The following STON1 variants were observed in gnomAD, a reference collection of about 807,000 sequenced individuals.
STON1 encodes the protein stonin 1.
A neutral mutation model predicts 60.9 loss-of-function variants in STON1; 79 were observed. The ratio of observed to expected loss-of-function variants is 1.30; its 90% confidence interval spans 1.08 to 1.56. The LOEUF (loss-of-function observed/expected upper bound fraction) is 1.56. Ranked by LOEUF, STON1 falls within the 40% of genes most tolerant of loss-of-function variation. The pLI, the probability that STON1 is intolerant of heterozygous loss-of-function variation, is 0.00. For synonymous variants in STON1, 363 were observed against 306.9 expected (o/e 1.18, Z -1.91); for missense variants, 1,166 against 858.9 (o/e 1.36, Z -4.47).
chr2:48,562,192 T>G (rs1672641152), intron 1 of STON1, among the ~76,000 whole-genome samples: 1 of 152,220 alleles, frequency 6.6e-6, no homozygotes, highest in Non-Finnish European at 1.5e-5. Flanking sequence ...TTTTTCCCAG[T>G]TAGTTTTGAC....
intron 1 of STON1, among the ~76,000 whole-genome samples, chr2:48,535,172 T>C (rs1671371811): frequency 6.6e-6 from 1 of 152,018 alleles, no homozygotes; most frequent in South Asian, 2.1e-4. Context: ...GAGGCTCAAA[T>C]GTACCTGTGT....
intron 1 of STON1, among the ~76,000 whole-genome samples, chr2:48,573,407 T>G (rs1673318214): frequency 6.6e-6 from 1 of 152,200 alleles, no homozygotes; most frequent in Non-Finnish European, 1.5e-5. Context: ...TTTGACAGCA[T>G]TTTCCACTGG....
At chr2:48,586,762 G>T (rs1044037352) in intron 2 of STON1, among the ~76,000 whole-genome samples, 1 of 152,180 alleles carries the variant, frequency 6.6e-6, no homozygotes, top group Non-Finnish European at 1.5e-5. Flanking sequence ...TTTCAGAAAG[G>T]CTGGCATGCA....
intron 1 of STON1, among the ~76,000 whole-genome samples, chr2:48,577,498 T>C (rs903691092): frequency 6.6e-6 from 1 of 151,442 alleles, no homozygotes; most frequent in Admixed American, 6.6e-5. Flanking sequence ...GGAGAATTGA[T>C]TGAACCAGGG....
At chr2:48,549,044 C>T (rs1247886667) in intron 1 of STON1, among the ~76,000 whole-genome samples, 3 of 152,108 alleles carry the variant, frequency 2.0e-5, no homozygotes, top group Non-Finnish European at 2.9e-5. Context: ...TTTCCCTCAC[C>T]GCCTCTGTCT....
chr2:48,551,878 C>A (rs1672121289), intron 1 of STON1, among the ~76,000 whole-genome samples: 1 of 152,244 alleles, frequency 6.6e-6, no homozygotes, highest in East Asian at 1.9e-4. Flanking sequence ...TGAGGAGACA[C>A]CCAGCCCACT....
At chr2:48,576,676 C>G (rs1673518614) in intron 1 of STON1, among the ~76,000 whole-genome samples, 1 of 151,998 alleles carries the variant, frequency 6.6e-6, no homozygotes, top group South Asian at 2.1e-4. Context: ...AAGTACTTTG[C>G]CAATTACTAA....
chr2:48,550,806 A>G lies in STON1; in HGVS notation c.-48+20590A>G, dbSNP rs1672071892. On this transcript the variant is annotated intron_variant, in intron 1 of 3. Transcript: ENST00000404752. ...TTTCAAGGTGTATGCCTGGAAGAAA[A>G]TAGAGGAAAACACCTTCAGAGTTAT... Among the ~76,000 whole-genome samples the G allele has an allele frequency of 2.0e-5, 3 of 151,536 alleles. No homozygotes were observed. In the South Asian group the frequency reaches 6.2e-4, roughly 31 times the overall value.
intron 1 of STON1, among the ~76,000 whole-genome samples, chr2:48,577,162 C>G (rs1673561954): frequency 6.6e-6 from 1 of 152,036 alleles, no homozygotes; most frequent in Admixed American, 6.6e-5. Flanking sequence ...TGTGCAGAAA[C>G]TTTTAAGTTT....
chr2:48,577,710 G>C (rs1673597772), intron 1 of STON1, among the ~76,000 whole-genome samples: 1 of 151,362 alleles, frequency 6.6e-6, no homozygotes, highest in African/African-American at 2.4e-5. Flanking sequence ...CCACCTCCTG[G>C]GTTCAAGCGA....
chr2:48,582,265 G>T lies in STON1; in HGVS notation c.1632G>T (p.Gln544His), dbSNP rs3828341. 88 of 1,614,188 alleles carry T rather than the reference G, an allele frequency of 5.5e-5. No individual in the cohort carries two copies. The East Asian group carries it at 2.0e-3, about 36-fold the overall frequency. ...TCCAGGGAGCATACGTGGAACTTCA[G>T]GCTTTTGTCAACATGGCCTCATTGG... ...VVVQGAYVEL[Q>H]AFVNMASLAQ... The change falls in exon 2 of 4, where the codon CAG becomes CAT. Residue 544 changes from glutamine to histidine, a missense_variant. Gln to His is a conservative substitution (Grantham distance 24). Transcript: ENST00000404752.
At chr2:48,547,513 G>A (rs967935885) in intron 1 of STON1, among the ~76,000 whole-genome samples, 3 of 152,248 alleles carry the variant, frequency 2.0e-5, no homozygotes, top group Non-Finnish European at 2.9e-5. Context: ...GGGGATAGCA[G>A]TCAGTGTCCC....
At chr2:48,542,128 T>C (rs908452453) in intron 1 of STON1, among the ~76,000 whole-genome samples, 1 of 152,264 alleles carries the variant, frequency 6.6e-6, no homozygotes, top group African/African-American at 2.4e-5. Context: ...TCTCTAACAG[T>C]GCAGAGGTTT....
rs1264403705 is a variant in STON1, at chr2:48,541,127, A to G, written c.-48+10911A>G. On this transcript the variant is annotated intron_variant, in intron 1 of 3. Transcript: ENST00000404752. ...AACTTTGGGAGGCTGAGGCGGGCAG[A>G]TAGCTTGAGGTTGGGGAGTTCAAGA... Among the ~76,000 whole-genome samples, 3 of 152,122 alleles carry G rather than the reference A, an allele frequency of 2.0e-5. No individual in the cohort carries two copies. The East Asian group carries it at 5.8e-4, about 29-fold the overall frequency.
intron 1 of STON1, among the ~76,000 whole-genome samples, chr2:48,543,392 G>T (rs1375401628): frequency 6.6e-6 from 1 of 152,024 alleles, no homozygotes; most frequent in African/African-American, 2.4e-5. Flanking sequence ...CCAGCCTATT[G>T]TTGGATCTTT....
At chr2:48,578,683 G>C (rs1351273111) in intron 1 of STON1, among the ~76,000 whole-genome samples, 1 of 147,692 alleles carries the variant, frequency 6.8e-6, no homozygotes, top group Middle Eastern at 3.3e-3. Flanking sequence ...CCTCCTCTCA[G>C]GTTCAAGCAA....
intron 1 of STON1, among the ~76,000 whole-genome samples, chr2:48,567,111 C>A (rs905043118): frequency 6.6e-6 from 1 of 152,130 alleles, no homozygotes; most frequent in Non-Finnish European, 1.5e-5. Flanking sequence ...GGAACCAGCA[C>A]TGACAATATT....
chr2:48,553,030 G>T (rs1461494003), intron 1 of STON1, among the ~76,000 whole-genome samples: 1 of 152,146 alleles, frequency 6.6e-6, no homozygotes, highest in Non-Finnish European at 1.5e-5. Context: ...TCTCTATCCA[G>T]CAAAGTAGCT....
At chr2:48,535,610 C>A (rs539227283) in intron 1 of STON1, among the ~76,000 whole-genome samples, 1 of 151,148 alleles carries the variant, frequency 6.6e-6, no homozygotes, top group African/African-American at 2.4e-5. Context: ...TTTGGGAGGC[C>A]GACGTGGGGG....
Sources: gnomAD v4.1 joint callset for allele counts (sites outside exome capture counted in the v4.1 genomes callset) on GRCh38, gnomAD v4.1.1 for gene constraint, MANE v1.5 for transcripts, NCBI Gene and HGNC (gene_info 2026-07-23, HGNC 2026-07-21) for gene names.